The following ZNF331 variants were observed in gnomAD, a reference collection of about 807,000 sequenced individuals.
The protein encoded by ZNF331 is zinc finger protein 331, also known as C2H2-like zinc finger protein rearranged in thyroid adenomas.
Under a neutral mutation model 7.0 loss-of-function variants are expected in ZNF331, and 2 were observed. The ratio of observed to expected loss-of-function variants is 0.29; its 90% CI spans 0.12 to 0.90. ZNF331 has a LOEUF of 0.90. Among genes scored for constraint, ZNF331 ranks in the 40% least tolerant of loss-of-function variants. ZNF331 has a pLI of 0.58. For missense variants in ZNF331, 432 were observed against 587.7 expected (o/e 0.74, Z 2.74); for synonymous variants, 196 against 205.4 (o/e 0.95, Z 0.39).
At chr19:53,550,920 G>A (rs1327199554) in intron 2 of ZNF331, among the ~76,000 whole-genome samples, 2 of 147,792 alleles carry the variant, frequency 1.4e-5, no homozygotes, top group African/African-American at 5.0e-5. Flanking sequence ...TGCAATCTCG[G>A]CCCAACCTCC....
At chr19:53,559,288 A>G (rs1229917724) in intron 3 of ZNF331, among the ~76,000 whole-genome samples, 1 of 151,154 alleles carries the variant, frequency 6.6e-6, no homozygotes, top group Non-Finnish European at 1.5e-5. Context: ...ATATATACAT[A>G]CCATACGTAT....
upstream of ZNF331, among the ~76,000 whole-genome samples, chr19:53,520,824 C>T (rs17207142): frequency 0.38 from 58,295 of 151,696 alleles, 11,433 homozygotes; most frequent in South Asian, 0.48. Context: ...CTTAGGGTCG[C>T]GTAGAGTTGC....
At chr19:53,547,684 AT>A (rs540889014) in intron 2 of ZNF331, among the ~76,000 whole-genome samples, 6 of 151,710 alleles carry the variant, frequency 4.0e-5, no homozygotes, top group Admixed American at 6.6e-5. Flanking sequence ...CCAACATGTT[AT>A]TTTTTTTGTT....
At chr19:53,529,250 A>AT (rs1052803941) in intron 2 of ZNF331, among the ~76,000 whole-genome samples, 9 of 151,958 alleles carry the variant, frequency 5.9e-5, no homozygotes, top group African/African-American at 2.2e-4. Context: ...AAATACAAAA[A>AT]TTAGCCGGGC....
At chr19:53,527,126 T>C (rs545412279) in intron 2 of ZNF331, among the ~76,000 whole-genome samples, 29 of 151,794 alleles carry the variant, frequency 1.9e-4, no homozygotes, top group African/African-American at 6.8e-4. Context: ...GAGTTGGAGG[T>C]TGCAGTGAGA....
At chr19:53,514,719 C>T (rs2086860310), upstream of ZNF331, among the ~76,000 whole-genome samples, 1 of 145,756 alleles carries the variant, frequency 6.9e-6, no homozygotes, top group East Asian at 2.0e-4. Flanking sequence ...GGCGCGATCT[C>T]GGCTCGCTGC....
At chr19:53,559,894 A>G (rs1290124385) in intron 3 of ZNF331, among the ~76,000 whole-genome samples, 2 of 150,898 alleles carry the variant, frequency 1.3e-5, no homozygotes, top group African/African-American at 4.9e-5. Flanking sequence ...CACATGCCAT[A>G]CACACACATA....
chr19:53,532,439 G>A (rs1803359900), intron 2 of ZNF331, among the ~76,000 whole-genome samples: 2 of 152,184 alleles, frequency 1.3e-5, no homozygotes, highest in South Asian at 4.1e-4. Flanking sequence ...AAGGCGAATA[G>A]TATTTAATTG....
chr19:53,573,181 T>C lies in ZNF331; in HGVS notation c.136+1451T>C, dbSNP rs375391813. 9.9e-5 allele frequency among the ~76,000 whole-genome samples: 15 copies of C among 152,130 alleles called. No individual in the cohort carries two copies. In the East Asian group the frequency reaches 1.2e-3, roughly 12 times the overall value. On this transcript the variant is annotated intron_variant, in intron 5 of 5. Transcript: ENST00000449416. The surrounding 1 kb of genome is among the most constrained non-coding windows in gnomAD (Gnocchi z 4.2). ...TTGCAGTGAGCCAAGATCACGCTAC[T>C]GTGCTGCAGCCTGGGCAACAAAGCG...
chr19:53,571,736 T>C lies in ZNF331; in HGVS notation c.136+6T>C, dbSNP rs2090453527. On this transcript the variant is annotated splice_donor_region_variant and intron_variant, in intron 5 of 5. Coordinates refer to ENST00000449416, the MANE Select transcript of ZNF331 (RefSeq NM_001079906.2). The surrounding 1 kb of genome is among the most constrained non-coding windows in gnomAD (Gnocchi z 4.7). The stretch of plus-strand genomic sequence containing the variant: ...CAGTAACTTGGTCTCACTGGGTGAG[T>C]TGCACGCCTCAGATAACTTAGACTG... The C allele has an allele frequency of 6.2e-7, 1 of 1,605,780 alleles. No individual in the cohort carries two copies. The highest frequency in any genetic ancestry group is 8.5e-7 in the Non-Finnish European group (1 of 1,176,126).
At chr19:53,511,078 CACA>C in the ZNF331 span, among the ~76,000 whole-genome samples, 1 of 152,094 alleles carries the variant, frequency 6.6e-6, no homozygotes, top group Admixed American at 6.6e-5. Context: ...ATTCCATATC[CACA>C]ACAAGAGCTG....
At chr19:53,542,841 C>T (rs906186276) in intron 2 of ZNF331, among the ~76,000 whole-genome samples, 3 of 152,208 alleles carry the variant, frequency 2.0e-5, no homozygotes, top group Non-Finnish European at 4.4e-5. Context: ...CAGAGTTTCG[C>T]TCTGGTTGCC....
the ZNF331 span, among the ~76,000 whole-genome samples, chr19:53,510,036 G>A: frequency 8.2e-4 from 125 of 152,304 alleles, no homozygotes; most frequent in African/African-American, 2.9e-3. Flanking sequence ...ACAATCACCT[G>A]CCACCAGGCC....
intron 2 of ZNF331, among the ~76,000 whole-genome samples, chr19:53,543,415 A>G (rs2088321550): frequency 6.6e-6 from 1 of 151,948 alleles, no homozygotes; most frequent in Admixed American, 6.6e-5. Context: ...AGCGCGCACC[A>G]CCATGCCCAG....
intron 2 of ZNF331, among the ~76,000 whole-genome samples, chr19:53,548,104 T>G (rs1464270113): frequency 6.6e-6 from 1 of 151,500 alleles, no homozygotes; most frequent in Non-Finnish European, 1.5e-5. Context: ...TAATTTTTCT[T>G]TTCTTTTCTT....
At chr19:53,550,474 A>G (rs541966492) in intron 2 of ZNF331, among the ~76,000 whole-genome samples, 1 of 147,436 alleles carries the variant, frequency 6.8e-6, no homozygotes, top group African/African-American at 2.5e-5. Context: ...TAATTTTATT[A>G]TATAATGACA....
Position 53,559,294 on chromosome 19 carries a change from C to T in ZNF331, c.-74+3386C>T, listed in dbSNP as rs140480976. 3.5e-4 allele frequency among the ~76,000 whole-genome samples: 52 copies of T among 149,724 alleles called. No homozygotes were observed. In the South Asian group the frequency reaches 4.7e-3, roughly 13 times the overall value. On this transcript the variant is annotated intron_variant, in intron 3 of 5. Coordinates refer to ENST00000449416, the MANE Select transcript of ZNF331 (RefSeq NM_001079906.2). ...CACAACTACATATATACATACCATA[C>T]GTATACAAACACACCCCATGTACAC...
At chr19:53,559,453 CAT>C (rs144483036) in intron 3 of ZNF331, among the ~76,000 whole-genome samples, 4,965 of 151,042 alleles carry the variant, frequency 0.033, 261 homozygotes, top group African/African-American at 0.11. Context: ...TATATACACA[CAT>C]ATATACACAC....
intron 4 of ZNF331, among the ~76,000 whole-genome samples, chr19:53,570,792 A>G (rs897950949): frequency 6.6e-6 from 1 of 151,416 alleles, no homozygotes; most frequent in Non-Finnish European, 1.5e-5. Flanking sequence ...TCAGCCTCCC[A>G]AAGTGCTGGG....
Sources: allele counts gnomAD v4.1 joint callset (sites outside exome capture counted in the v4.1 genomes callset), GRCh38; gene constraint gnomAD v4.1.1; non-coding constraint Gnocchi (gnomAD v3.1); transcripts MANE v1.5; gene names NCBI Gene and HGNC (gene_info 2026-07-23, HGNC 2026-07-21).